Variants in ZNF385D observed in about 807,000 individuals in gnomAD.
ZNF385D encodes the protein zinc finger protein 659.
In ZNF385D, 15 loss-of-function variants were observed where a neutral mutation model predicts 35.8. The observed-to-expected ratio is 0.42, with a 90% confidence interval of 0.28 to 0.64. The LOEUF (loss-of-function observed/expected upper bound fraction) is 0.64, where lower values mean the gene tolerates loss of function less well. ZNF385D is among the 30% of genes least tolerant of loss of function. The probability of loss-of-function intolerance (pLI) is 0.23; values close to 1 mark genes in which losing one functional copy is unlikely to be tolerated. For missense variants in ZNF385D, 474 were observed against 494.6 expected (o/e 0.96, Z 0.39); for synonymous variants, 212 against 186.8 (o/e 1.13, Z -1.10).
At chr3:22,154,564 G>A (rs527467273) in intron 3 of ZNF385D, among the ~76,000 whole-genome samples, 2 of 152,266 alleles carry the variant, frequency 1.3e-5, no homozygotes, top group East Asian at 3.9e-4. Context: ...ATACAAAGTG[G>A]AATAGTCCTG....
At chr3:22,124,594 A>T (rs1703318606) in intron 3 of ZNF385D, among the ~76,000 whole-genome samples, 1 of 152,086 alleles carries the variant, frequency 6.6e-6, no homozygotes, top group Non-Finnish European at 1.5e-5. Context: ...ATTATTGCTC[A>T]TCTTTTGGAT....
At chr3:21,700,283 A>T (rs529432259) in intron 1 of ZNF385D, among the ~76,000 whole-genome samples, 13 of 152,226 alleles carry the variant, frequency 8.5e-5, no homozygotes, top group Admixed American at 4.6e-4. Flanking sequence ...GGAGTAAGCC[A>T]TGTAGGTTTC....
chr3:21,499,872 A>G (rs1311574168), intron 4 of ZNF385D, among the ~76,000 whole-genome samples: 2 of 152,212 alleles, frequency 1.3e-5, no homozygotes, highest in African/African-American at 4.8e-5. Flanking sequence ...GACTGGTTAT[A>G]CACTGGAAGA....
intron 3 of ZNF385D, among the ~76,000 whole-genome samples, chr3:21,875,852 C>G (rs144284291): frequency 1.3e-5 from 2 of 151,890 alleles, no homozygotes; most frequent in Non-Finnish European, 2.9e-5. Context: ...TCTGGCAGAC[C>G]CAGGCTGGTC....
At position 21,464,743 on chromosome 3, in the gene ZNF385D, A is replaced by AACACACAAACACACACAC. The variant is rs1553589980; in HGVS notation, c.440-27541_440-27540insGTGTGTGTGTTTGTGTGT. Reference sequence around the variant, plus strand: ...TTACAGCTGCCAAAAAATAAATTAAAACACACACACACACACTTATGCAAC... The same window carrying AACACACAAACACACACAC: ...TTACAGCTGCCAAAAAATAAATTAAAACACACAAACACACACACACACACACACACACACTTATGCAAC... On this transcript the variant is annotated intron_variant, in intron 4 of 7. Transcript: ENST00000281523. Among the ~76,000 whole-genome samples, 110 of 150,314 alleles carry AACACACAAACACACACAC rather than the reference A, an allele frequency of 7.3e-4. 1 individual carries two copies. Among genetic ancestry groups the AACACACAAACACACACAC allele is most frequent in the Middle Eastern group, 3.4e-3 (1 of 294 alleles).
chr3:21,803,439 CA>C (rs2072499720), intron 3 of ZNF385D, among the ~76,000 whole-genome samples: 2 of 152,050 alleles, frequency 1.3e-5, no homozygotes. Context: ...TATTTAAAAT[CA>C]AAGTTTTAAA....
At chr3:22,306,148 T>C (rs1162886496) in intron 2 of ZNF385D, among the ~76,000 whole-genome samples, 1 of 152,052 alleles carries the variant, frequency 6.6e-6, no homozygotes, top group Admixed American at 6.6e-5. Context: ...TCTGCTTGCA[T>C]AGTGATGGGG....
intron 3 of ZNF385D, among the ~76,000 whole-genome samples, chr3:22,068,379 C>T (rs951637298): frequency 1.1e-4 from 17 of 152,172 alleles, no homozygotes; most frequent in African/African-American, 2.4e-4. Flanking sequence ...CATTAAAACC[C>T]GAGATACTGT....
intron 4 of ZNF385D, among the ~76,000 whole-genome samples, chr3:21,509,211 A>G (rs1707017597): frequency 6.6e-6 from 1 of 152,190 alleles, no homozygotes; most frequent in Non-Finnish European, 1.5e-5. Flanking sequence ...TAAAAAGTCT[A>G]AAAGTAGAAA....
chr3:22,086,803 A>G (rs902584887), intron 3 of ZNF385D, among the ~76,000 whole-genome samples: 1 of 152,166 alleles, frequency 6.6e-6, no homozygotes, highest in Non-Finnish European at 1.5e-5. Context: ...TGAAGCTGGA[A>G]ACCATCATTC....
At chr3:21,748,119 A>T (rs1041115549) in intron 1 of ZNF385D, among the ~76,000 whole-genome samples, 4 of 152,230 alleles carry the variant, frequency 2.6e-5, no homozygotes, top group African/African-American at 9.6e-5. Context: ...ATCACAGCAC[A>T]GGAAGTACAA....
At chr3:21,918,646 T>C (rs1700308994) in intron 3 of ZNF385D, among the ~76,000 whole-genome samples, 1 of 152,204 alleles carries the variant, frequency 6.6e-6, no homozygotes, top group Non-Finnish European at 1.5e-5. Flanking sequence ...TGGTCTGTGG[T>C]TTAAGAAACA....
chr3:21,666,907 A>G (rs1159366077), intron 1 of ZNF385D, among the ~76,000 whole-genome samples: 2 of 152,094 alleles, frequency 1.3e-5, no homozygotes, highest in African/African-American at 4.8e-5. Context: ...GCGAAACTCC[A>G]TCTCTACTAA....
intron 2 of ZNF385D, among the ~76,000 whole-genome samples, chr3:22,360,646 G>A (rs1696369053): frequency 6.6e-6 from 1 of 151,954 alleles, no homozygotes; most frequent in African/African-American, 2.4e-5. Flanking sequence ...ACTCTTTCAA[G>A]GTGGAACGAA....
At chr3:22,049,021 G>T (rs999081431) in intron 3 of ZNF385D, among the ~76,000 whole-genome samples, 12 of 152,076 alleles carry the variant, frequency 7.9e-5, no homozygotes, top group African/African-American at 2.9e-4. Context: ...AATTGGCCGG[G>T]CGTAGTGGCT....
intron 3 of ZNF385D, among the ~76,000 whole-genome samples, chr3:22,140,317 C>T (rs1386955160): frequency 2.0e-5 from 3 of 152,090 alleles, no homozygotes; most frequent in African/African-American, 4.8e-5. Flanking sequence ...AGAAACCATT[C>T]TGGAAGAATA....
intron 4 of ZNF385D, among the ~76,000 whole-genome samples, chr3:21,471,334 C>T (rs1315601003): frequency 7.7e-6 from 1 of 129,906 alleles, no homozygotes; most frequent in Non-Finnish European, 1.6e-5. Flanking sequence ...CACACACACA[C>T]ACCTTGGTGA....
chr3:22,167,040 G>T (rs183636562), intron 3 of ZNF385D, among the ~76,000 whole-genome samples: 1 of 152,230 alleles, frequency 6.6e-6, no homozygotes, highest in African/African-American at 2.4e-5. Context: ...GCTAGTGATA[G>T]CGGTAGGAAG....
chr3:22,194,326 C>T (rs1488747741), intron 2 of ZNF385D, among the ~76,000 whole-genome samples: 2 of 151,634 alleles, frequency 1.3e-5, no homozygotes, highest in African/African-American at 2.4e-5. Context: ...TACCCTAGGG[C>T]TTTGTTGTTG....
Sources: allele counts gnomAD v4.1 joint callset (sites outside exome capture counted in the v4.1 genomes callset), GRCh38; gene constraint gnomAD v4.1.1; transcripts MANE v1.5; gene names NCBI Gene and HGNC (gene_info 2026-07-23, HGNC 2026-07-21).